The following PTPRM variants were observed in gnomAD, a reference collection of about 807,000 sequenced individuals.
PTPRM encodes the protein receptor-type tyrosine-protein phosphatase mu.
Under a neutral mutation model 186.7 loss-of-function variants are expected in PTPRM, and 47 were observed. That is an observed-to-expected ratio of 0.25 (90% CI 0.20 to 0.32). The LOEUF (loss-of-function observed/expected upper bound fraction) is 0.32. Ranked by LOEUF, PTPRM falls within the 10% of genes least tolerant of loss-of-function variation. PTPRM has a pLI of 1.00. For missense variants in PTPRM, 1,494 were observed against 1,865.0 expected, an observed-to-expected ratio of 0.80 and a Z score of 3.66; for synonymous variants, 668 against 674.9, an observed-to-expected ratio of 0.99 and a Z score of 0.16.
At chr18:7,794,945 T>C (rs2043539345) in intron 2 of PTPRM, among the ~76,000 whole-genome samples, 1 of 152,146 alleles carries the variant, frequency 6.6e-6, no homozygotes, top group Non-Finnish European at 1.5e-5. Flanking sequence ...ACCTGGCCAG[T>C]GCTCCAGTAG....
At chr18:7,772,431 C>T (rs1222529811) in intron 1 of PTPRM, among the ~76,000 whole-genome samples, 14 of 120,274 alleles carry the variant, frequency 1.2e-4, no homozygotes, top group East Asian at 5.0e-4. Flanking sequence ...TTTCTCCCTT[C>T]CCCTTCCCCT....
chr18:8,234,891 T>C (rs578092298), intron 14 of PTPRM, among the ~76,000 whole-genome samples: 1 of 152,276 alleles, frequency 6.6e-6, no homozygotes, highest in East Asian at 1.9e-4. Flanking sequence ...TTGCATTTTT[T>C]GAGTTTCAAA....
At chr18:7,979,477 T>G (rs2082429098) in intron 7 of PTPRM, among the ~76,000 whole-genome samples, 1 of 152,160 alleles carries the variant, frequency 6.6e-6, no homozygotes, top group African/African-American at 2.4e-5. Flanking sequence ...ATCTAAGGTG[T>G]TTTATTTGAG....
chr18:7,855,109 T>C (rs374006742), intron 2 of PTPRM, among the ~76,000 whole-genome samples: 5 of 152,294 alleles, frequency 3.3e-5, no homozygotes, highest in African/African-American at 1.2e-4. Context: ...CATGCTATAA[T>C]GTAGGTGTTT....
At chr18:8,048,886 G>A (rs1404839966) in intron 7 of PTPRM, among the ~76,000 whole-genome samples, 1 of 152,184 alleles carries the variant, frequency 6.6e-6, no homozygotes, top group East Asian at 1.9e-4. Context: ...TACTTCTGTA[G>A]CAAAGAGTGA....
At chr18:8,204,757 T>TA (rs775136362) in intron 14 of PTPRM, among the ~76,000 whole-genome samples, 120 of 149,752 alleles carry the variant, frequency 8.0e-4, no homozygotes, top group Non-Finnish European at 1.1e-3. Context: ...ATATGGTAAC[T>TA]AAAAAAACAA....
chr18:8,064,831 A>G (rs992638125), intron 7 of PTPRM, among the ~76,000 whole-genome samples: 3 of 152,234 alleles, frequency 2.0e-5, no homozygotes, highest in African/African-American at 7.2e-5. Flanking sequence ...GTAGGCCACT[A>G]TAATATTAGT....
intron 1 of PTPRM, among the ~76,000 whole-genome samples, chr18:7,663,193 C>A (rs1402190241): frequency 1.3e-5 from 2 of 152,186 alleles, no homozygotes; most frequent in African/African-American, 4.8e-5. Flanking sequence ...AAGGAAAGGT[C>A]ACGCACTCAC....
Position 8,130,431 on chromosome 18 carries a change from A to G in PTPRM, c.2168-13216A>G, listed in dbSNP as rs1488392662. ...CACTTTCCTTGATGATAAATAATGCAAAAACGTTTTTGTCAAAAATTGATG... is the reference window on the plus strand; with the variant it reads ...CACTTTCCTTGATGATAAATAATGCGAAAACGTTTTTGTCAAAAATTGATG... On this transcript the variant is annotated intron_variant, in intron 13 of 32. Transcript: ENST00000580170. Among the ~76,000 whole-genome samples, 3 of 152,184 alleles carry G rather than the reference A, an allele frequency of 2.0e-5. No homozygotes were observed. The East Asian group carries it at 5.8e-4, about 29-fold the overall frequency.
intron 32 of PTPRM, among the ~76,000 whole-genome samples, chr18:8,402,433 A>C (rs1317521745): frequency 6.6e-6 from 1 of 152,196 alleles, no homozygotes; most frequent in African/African-American, 2.4e-5. Flanking sequence ...ATCCCTCCTG[A>C]GTTTCCGGCC....
intron 24 of PTPRM, among the ~76,000 whole-genome samples, chr18:8,375,615 C>A (rs896438528): frequency 6.6e-6 from 1 of 152,228 alleles, no homozygotes; most frequent in Admixed American, 6.5e-5. Flanking sequence ...AAAGCCCCAA[C>A]ACGGAGTTGG....
chr18:7,575,657 G>A (rs1418329573), intron 1 of PTPRM, among the ~76,000 whole-genome samples: 1 of 152,206 alleles, frequency 6.6e-6, no homozygotes, highest in Non-Finnish European at 1.5e-5. Flanking sequence ...AAGGGTTCAT[G>A]TTAACCTTTG....
At chr18:7,830,389 A>C (rs2145713976) in intron 2 of PTPRM, among the ~76,000 whole-genome samples, 1 of 152,300 alleles carries the variant, frequency 6.6e-6, no homozygotes, top group African/African-American at 2.4e-5. Context: ...CCACTTAACA[A>C]GGGGGATATG....
chr18:8,078,522 T>C (rs528433162), intron 9 of PTPRM, among the ~76,000 whole-genome samples: 4 of 152,204 alleles, frequency 2.6e-5, no homozygotes, highest in Non-Finnish European at 4.4e-5. Context: ...GGAAAAAAGT[T>C]TAGTAACCAA....
chr18:8,068,991 T>A (rs1481568577), intron 7 of PTPRM, among the ~76,000 whole-genome samples: 2 of 151,534 alleles, frequency 1.3e-5, no homozygotes, highest in Non-Finnish European at 2.9e-5. Context: ...GTGCCTGTAG[T>A]CCCAGCTACT....
chr18:7,621,973 A>ATAAC (rs1264397882), intron 1 of PTPRM, among the ~76,000 whole-genome samples: 1 of 152,172 alleles, frequency 6.6e-6, no homozygotes, highest in Admixed American at 6.5e-5. Flanking sequence ...ACTCCATTGG[A>ATAAC]TAACTATCAA....
At chr18:8,331,558 T>C (rs574361688) in intron 22 of PTPRM, among the ~76,000 whole-genome samples, 31 of 152,364 alleles carry the variant, frequency 2.0e-4, no homozygotes, top group African/African-American at 7.0e-4. Context: ...TAGCTACTTA[T>C]TGTTATTATC....
At position 8,076,461 on chromosome 18, in the gene PTPRM, G is replaced by A. The variant is rs769632993; in HGVS notation, c.1448G>A (p.Gly483Asp). Residue 483 changes from glycine to aspartate, a missense_variant, in exon 9 of 33, where the codon GGT (glycine) becomes GAT (aspartate). Physicochemically the swap from Gly to Asp is moderately conservative, Grantham distance 94. Around this residue, in one of 3 missense-constraint regions of PTPRM, gnomAD observed 1,107 missense variants for 1,350.2 expected, o/e 0.82. Transcript: ENST00000580170. ...TCCTCCCACCCTCCTTTAGTCCCAG[G>A]TGCTGTTCCCACTGAATCCATACAA... Reference protein sequence around the residue: ...LIVQTDEDLPGAVPTESIQGS... With the variant: ...LIVQTDEDLPDAVPTESIQGS... The A allele has an allele frequency of 6.3e-7, 1 of 1,590,812 alleles. No individual in the cohort carries two copies. Among genetic ancestry groups the A allele is most frequent in the Admixed American group, 1.7e-5 (1 of 59,092 alleles).
intron 2 of PTPRM, among the ~76,000 whole-genome samples, chr18:7,838,840 G>T (rs1002362801): frequency 6.6e-6 from 1 of 152,198 alleles, no homozygotes; most frequent in African/African-American, 2.4e-5. Flanking sequence ...AGTTTACCTG[G>T]TGTTCTGTTG....
Sources: allele counts gnomAD v4.1 joint callset (sites outside exome capture counted in the v4.1 genomes callset), GRCh38; gene constraint gnomAD v4.1.1; regional missense constraint gnomAD v4.1.1; transcripts MANE v1.5; gene names NCBI Gene and HGNC (gene_info 2026-07-23, HGNC 2026-07-21).